NEIL3: variants seen among roughly 807,000 people sequenced by gnomAD.
The protein encoded by NEIL3 is endonuclease 8-like 3.
Under a neutral mutation model 57.5 loss-of-function variants are expected in NEIL3, and 48 were observed. That is an observed-to-expected ratio of 0.83 (90% CI 0.66 to 1.06). NEIL3 has a LOEUF of 1.06. Among genes scored for constraint, NEIL3 ranks in the 50% least tolerant of loss-of-function variants. The pLI, the probability that NEIL3 is intolerant of heterozygous loss-of-function variation, is 0.00. For missense variants in NEIL3, 717 were observed against 739.1 expected (o/e 0.97, Z 0.35); for synonymous variants, 261 against 253.2 (o/e 1.03, Z -0.29).
At position 177,318,799 on chromosome 4, in the gene NEIL3, CCTACTCTTTTT is replaced by C. The variant is rs1473987286; in HGVS notation, c.157-3647_157-3637del. On this transcript the variant is annotated intron_variant, in intron 1 of 9. Coordinates refer to ENST00000264596, the MANE Select transcript of NEIL3 (RefSeq NM_018248.3). Reference sequence around the variant, plus strand: ...ACATACTGTGTTATTGTGTTTATTGCCTACTCTTTTTCTACTCTTTTTCCTTACTAGAACAT... The same window carrying C: ...ACATACTGTGTTATTGTGTTTATTGCCTACTCTTTTTCCTTACTAGAACAT... Among the ~76,000 whole-genome samples, 8 of 152,264 alleles carry C rather than the reference CCTACTCTTTTT, an allele frequency of 5.3e-5. 1 individual carries two copies. Among genetic ancestry groups the C allele is most frequent in the African/African-American group, 1.7e-4 (7 of 41,542 alleles).
At chr4:177,316,600 TG>T in intron 1 of NEIL3, among the ~76,000 whole-genome samples, 1 of 151,938 alleles carries the variant, frequency 6.6e-6, no homozygotes, top group South Asian at 2.1e-4. Context: ...ATGGGGATGG[TG>T]GGAGGGGAAG....
intron 6 of NEIL3, among the ~76,000 whole-genome samples, chr4:177,350,295 C>G (rs939583824): frequency 6.6e-6 from 1 of 152,212 alleles, no homozygotes; most frequent in Non-Finnish European, 1.5e-5. Context: ...ATCCGTGATA[C>G]TGCCATGGTT....
At chr4:177,314,511 T>G (rs1245023644) in intron 1 of NEIL3, among the ~76,000 whole-genome samples, 1 of 152,180 alleles carries the variant, frequency 6.6e-6, no homozygotes, top group Admixed American at 6.5e-5. Context: ...TCCTGGGAAT[T>G]GTTCCTTTTT....
chr4:177,335,816 A>C lies in NEIL3; in HGVS notation c.407A>C (p.Glu136Ala). 1 of 1,540,104 alleles carries C rather than the reference A, an allele frequency of 6.5e-7. No individual in the cohort carries two copies. Among genetic ancestry groups the C allele is most frequent in the Non-Finnish European group, 8.7e-7 (1 of 1,149,242 alleles). ...DLICFFDSSV[E>A]LRNSMESQQR... The stretch of plus-strand genomic sequence containing the variant: ...ATTTGTTTCTTTGACTCATCAGTAG[A>C]ACTCAGGTAAAAAAAATTAAATAAA... Residue 136 changes from glutamate (E) to alanine (A), a missense_variant, in exon 3 of 10, where the codon GAA becomes GCA. By Grantham distance (107) the Glu-to-Ala change is moderately radical. Coordinates refer to ENST00000264596, the MANE Select transcript of NEIL3 (RefSeq NM_018248.3).
intron 8 of NEIL3, among the ~76,000 whole-genome samples, chr4:177,356,802 A>AT (rs1196836196): frequency 2.5e-4 from 38 of 152,222 alleles, no homozygotes; most frequent in Non-Finnish European, 5.4e-4. Context: ...GATTGAACCC[A>AT]TTTTTAAACA....
intron 2 of NEIL3, among the ~76,000 whole-genome samples, chr4:177,328,665 G>A (rs1224837038): frequency 2.6e-5 from 4 of 152,124 alleles, no homozygotes; most frequent in Non-Finnish European, 5.9e-5. Flanking sequence ...GAGACCTGCA[G>A]TGCAAGAAAA....
intron 6 of NEIL3, among the ~76,000 whole-genome samples, chr4:177,348,596 CG>C (rs1383965391): frequency 1.3e-5 from 2 of 152,030 alleles, no homozygotes; most frequent in African/African-American, 4.8e-5. Context: ...AGCATGTGGT[CG>C]AGTTATGGCT....
intron 8 of NEIL3, among the ~76,000 whole-genome samples, chr4:177,358,348 G>A (rs1311212442): frequency 6.6e-6 from 1 of 151,868 alleles, no homozygotes; most frequent in Non-Finnish European, 1.5e-5. Flanking sequence ...TTGTTCTGTT[G>A]CCAGGCTGGA....
intron 1 of NEIL3, among the ~76,000 whole-genome samples, chr4:177,318,371 T>C (rs1389560476): frequency 6.8e-6 from 1 of 147,720 alleles, no homozygotes; most frequent in Non-Finnish European, 1.5e-5. Context: ...GGTTAAATGA[T>C]ACAAAAAATT....
At position 177,362,671 on chromosome 4, in the gene NEIL3, A is replaced by G. The variant is rs2110947306; in HGVS notation, c.*200A>G. On this transcript the variant is annotated 3_prime_UTR_variant, in exon 10 of 10. Transcript: ENST00000264596. ...TTTCTTTTGCCTTGATGAACGTTCT[A>G]TGTATTTCATCGGATATACAGCATA... is the stretch of plus-strand genomic sequence containing the variant. The G allele has an allele frequency of 2.2e-6, 1 of 453,898 alleles. No individual in the cohort carries two copies. Among genetic ancestry groups the G allele is most frequent in the Non-Finnish European group, 3.9e-6 (1 of 257,782 alleles). 28.1% of individuals were successfully genotyped at this position (453,898 alleles called of 1,614,324 possible). A position where few individuals can be genotyped will look rare whatever the true frequency, so the allele number is the denominator to read the frequency against.
intron 5 of NEIL3, among the ~76,000 whole-genome samples, chr4:177,340,116 T>C (rs983647640): frequency 6.6e-6 from 1 of 152,216 alleles, no homozygotes; most frequent in African/African-American, 2.4e-5. Context: ...TTTCACAGAC[T>C]CTTTTTCTAT....
At chr4:177,314,175 G>A (rs1734527150) in intron 1 of NEIL3, among the ~76,000 whole-genome samples, 2 of 152,200 alleles carry the variant, frequency 1.3e-5, no homozygotes, top group South Asian at 2.1e-4. Flanking sequence ...TACTAATAAT[G>A]ATTTATCCTT....
At chr4:177,323,028 G>C (rs1734717084) in intron 2 of NEIL3, among the ~76,000 whole-genome samples, 1 of 152,162 alleles carries the variant, frequency 6.6e-6, no homozygotes, top group Non-Finnish European at 1.5e-5. Context: ...TTTACTTAGA[G>C]AGTGTAAAAA....
chr4:177,341,010 T>C (rs544318874), intron 5 of NEIL3, among the ~76,000 whole-genome samples: 1 of 152,178 alleles, frequency 6.6e-6, no homozygotes, highest in Admixed American at 6.5e-5. Flanking sequence ...ACAAAGAAAA[T>C]GCTCTTATTA....
intron 2 of NEIL3, among the ~76,000 whole-genome samples, chr4:177,323,778 T>G (rs1734730930): frequency 6.6e-6 from 1 of 152,184 alleles, no homozygotes; most frequent in South Asian, 2.1e-4. Context: ...CAGATTTATT[T>G]CTGTAAGATG....
At chr4:177,357,924 A>G (rs1052540709) in intron 8 of NEIL3, among the ~76,000 whole-genome samples, 1 of 152,230 alleles carries the variant, frequency 6.6e-6, no homozygotes. Context: ...GCTACATTTA[A>G]GTAAGAAATC....
the NEIL3 span, among the ~76,000 whole-genome samples, chr4:177,370,123 G>T: frequency 2.6e-5 from 4 of 152,186 alleles, no homozygotes; most frequent in African/African-American, 4.8e-5. Context: ...AGATGCTGGG[G>T]TGAGTATTAT....
intron 6 of NEIL3, among the ~76,000 whole-genome samples, chr4:177,350,889 G>A (rs1001703401): frequency 6.6e-6 from 1 of 151,166 alleles, no homozygotes; most frequent in African/African-American, 2.5e-5. Flanking sequence ...ACAACAATTA[G>A]TTGTTAAAGG....
chr4:177,332,789 C>G (rs1734906948), intron 2 of NEIL3, among the ~76,000 whole-genome samples: 1 of 152,198 alleles, frequency 6.6e-6, no homozygotes, highest in Non-Finnish European at 1.5e-5. Context: ...TAGTAGCCTT[C>G]TCTTCCTCTT....
Sources: allele counts gnomAD v4.1 joint callset (sites outside exome capture counted in the v4.1 genomes callset), GRCh38; gene constraint gnomAD v4.1.1; transcripts MANE v1.5; gene names NCBI Gene and HGNC (gene_info 2026-07-23, HGNC 2026-07-21).